Variants in RBFOX1 observed in about 807,000 individuals in gnomAD.
RBFOX1 encodes the protein RNA binding protein fox-1 homolog 1.
RBFOX1 carries 8 observed loss-of-function variants against 57.7 expected under a neutral mutation model. The ratio of observed to expected loss-of-function variants is 0.14; its 90% CI spans 0.08 to 0.25. RBFOX1 has a LOEUF of 0.25. Among genes scored for constraint, RBFOX1 ranks in the 10% least tolerant of loss-of-function variants. The pLI, the probability that RBFOX1 is intolerant of heterozygous loss-of-function variation, is 1.00. For missense variants in RBFOX1, 611 were observed against 548.5 expected, an observed-to-expected ratio of 1.11 and a Z score of -1.14; for synonymous variants, 326 against 222.4, an observed-to-expected ratio of 1.47 and a Z score of -4.15.
At chr16:6,219,381 G>A (rs185005525) in intron 1 of RBFOX1, among the ~76,000 whole-genome samples, 19 of 152,314 alleles carry the variant, frequency 1.2e-4, no homozygotes, top group East Asian at 1.2e-3. Context: ...CCAGGAGGTC[G>A]AGGCTGCAGT....
chr16:7,198,966 C>T (rs752947249), intron 4 of RBFOX1, among the ~76,000 whole-genome samples: 3 of 152,122 alleles, frequency 2.0e-5, no homozygotes, highest in African/African-American at 4.8e-5. Context: ...GAAATCAACC[C>T]TTAGAGAAAT....
At chr16:6,444,547 C>G (rs919109878) in intron 2 of RBFOX1, among the ~76,000 whole-genome samples, 1 of 152,184 alleles carries the variant, frequency 6.6e-6, no homozygotes, top group Non-Finnish European at 1.5e-5. Flanking sequence ...CTGCTGCCAT[C>G]CATGTAAGAC....
intron 3 of RBFOX1, among the ~76,000 whole-genome samples, chr16:6,920,695 T>C (rs187747430): frequency 6.6e-6 from 1 of 152,320 alleles, no homozygotes; most frequent in Admixed American, 6.5e-5. Context: ...CAAGCAATCA[T>C]TGGCACCCCT....
chr16:6,798,600 A>G (rs1333478848), intron 3 of RBFOX1, among the ~76,000 whole-genome samples: 4 of 152,226 alleles, frequency 2.6e-5, no homozygotes, highest in East Asian at 1.9e-4. Flanking sequence ...AAAGACACAT[A>G]TATCTGTGCT....
intron 1 of RBFOX1, among the ~76,000 whole-genome samples, chr16:6,192,602 T>C (rs1440017748): frequency 2.0e-5 from 3 of 152,178 alleles, no homozygotes; most frequent in Non-Finnish European, 4.4e-5. Flanking sequence ...GAAAATGGTA[T>C]GCAAACTTCA....
chr16:7,177,209 G>A (rs922287109), intron 4 of RBFOX1, among the ~76,000 whole-genome samples: 22 of 152,146 alleles, frequency 1.4e-4, no homozygotes, highest in Admixed American at 1.2e-3. Flanking sequence ...CAATACAACC[G>A]CTTCCAATCA....
intron 11 of RBFOX1, among the ~76,000 whole-genome samples, chr16:7,639,964 T>C (rs1410373021): frequency 6.6e-6 from 1 of 152,216 alleles, no homozygotes; most frequent in Non-Finnish European, 1.5e-5. Flanking sequence ...GAGATTATTC[T>C]TTCTCCATCA....
chr16:7,063,834 G>A (rs1490378165), intron 4 of RBFOX1, among the ~76,000 whole-genome samples: 1 of 152,182 alleles, frequency 6.6e-6, no homozygotes, highest in Admixed American at 6.5e-5. Context: ...AAGTAATATA[G>A]AGATGTTTTA....
At chr16:6,690,758 C>CTTTTTTTT (rs71145276) in intron 3 of RBFOX1, among the ~76,000 whole-genome samples, 4 of 141,072 alleles carry the variant, frequency 2.8e-5, no homozygotes, top group Non-Finnish European at 4.6e-5. Flanking sequence ...TTCTTTCTTT[C>CTTTTTTTT]TTTTTTTTTT....
At chr16:7,049,075 C>T (rs2049037883) in intron 3 of RBFOX1, among the ~76,000 whole-genome samples, 1 of 152,152 alleles carries the variant, frequency 6.6e-6, no homozygotes, top group African/African-American at 2.4e-5. Context: ...GAGGTCAGTG[C>T]AGGAGTTTAT....
At chr16:7,182,858 G>C (rs543836893) in intron 4 of RBFOX1, among the ~76,000 whole-genome samples, 3 of 152,184 alleles carry the variant, frequency 2.0e-5, no homozygotes, top group East Asian at 1.9e-4. Flanking sequence ...TTGCATTTTA[G>C]CTCAACTTCT....
intron 1 of RBFOX1, among the ~76,000 whole-genome samples, chr16:6,046,832 GTC>G (rs1368345239): frequency 6.6e-6 from 1 of 152,160 alleles, no homozygotes; most frequent in East Asian, 1.9e-4. Flanking sequence ...TTATCTAGAT[GTC>G]TCTCCCAGAG....
At chr16:6,242,651 C>CACAT (rs1246410541) in intron 1 of RBFOX1, among the ~76,000 whole-genome samples, 1 of 150,444 alleles carries the variant, frequency 6.6e-6, no homozygotes, top group East Asian at 1.9e-4. Context: ...CACACACACA[C>CACAT]ACACACACAC....
chr16:6,880,262 A>T (rs1280272386), intron 3 of RBFOX1, among the ~76,000 whole-genome samples: 1 of 152,078 alleles, frequency 6.6e-6, no homozygotes, highest in Non-Finnish European at 1.5e-5. Context: ...AGCAGAGTTA[A>T]CCTTGGGGAA....
intron 4 of RBFOX1, among the ~76,000 whole-genome samples, chr16:7,223,371 T>C (rs1000446167): frequency 1.3e-4 from 20 of 152,236 alleles, no homozygotes; most frequent in African/African-American, 4.8e-4. Flanking sequence ...CTTCAGAGTT[T>C]GGTAAGTCTC....
At chr16:7,034,847 TC>T (rs1184456905) in intron 3 of RBFOX1, among the ~76,000 whole-genome samples, 2,750 of 85,212 alleles carry the variant, frequency 0.032, 483 homozygotes, top group East Asian at 0.16. Flanking sequence ...TTTTCTTTTT[TC>T]TTTTTTTTTT....
intron 1 of RBFOX1, among the ~76,000 whole-genome samples, chr16:6,129,253 T>C (rs1329471108): frequency 6.6e-6 from 1 of 152,052 alleles, no homozygotes. Context: ...ATTGTAAATA[T>C]GTTGAAGACT....
In RBFOX1 at chr16:5,597,460, G is replaced by A. The variant is rs566554619; in HGVS notation, c.259-1442G>A. 1.1e-4 allele frequency among the ~76,000 whole-genome samples: 16 copies of A among 148,430 alleles called. No homozygotes were observed. In the South Asian group the frequency reaches 2.2e-3, roughly 20 times the overall value. On this transcript the variant is annotated intron_variant, in intron 2 of 2. Transcript: ENST00000585867. ...GTCGCTCAGGCTGGAGTGCAATGGC[G>A]GTGGTCTTGGCTCACTGCAACCTGT...
chr16:7,480,917 CA>C (rs1266525884), intron 4 of RBFOX1, among the ~76,000 whole-genome samples: 4 of 151,996 alleles, frequency 2.6e-5, no homozygotes, highest in Non-Finnish European at 5.9e-5. Flanking sequence ...GAGGGAGGGG[CA>C]GGGGTAGGGG....
Sources: gnomAD v4.1 joint callset for allele counts (sites outside exome capture counted in the v4.1 genomes callset) on GRCh38, gnomAD v4.1.1 for gene constraint, MANE v1.5 for transcripts, NCBI Gene and HGNC (gene_info 2026-07-23, HGNC 2026-07-21) for gene names.